Variants in ADCK1 observed in about 807,000 individuals in gnomAD.
The protein encoded by ADCK1 is aarF domain containing kinase 1, also known as aarF domain-containing protein kinase 1.
ADCK1 carries 41 observed loss-of-function variants against 52.3 expected under a neutral mutation model. The observed-to-expected ratio is 0.78, with a 90% confidence interval of 0.61 to 1.02. The LOEUF is 1.02. Among genes scored for constraint, ADCK1 ranks in the 50% least tolerant of loss-of-function variants. The pLI, the probability that ADCK1 is intolerant of heterozygous loss-of-function variation, is 0.00. For missense variants in ADCK1, 658 were observed against 679.5 expected (o/e 0.97, Z 0.35); for synonymous variants, 250 against 274.6 (o/e 0.91, Z 0.89).
chr14:77,837,064 C>T (rs1225300441), intron 3 of ADCK1, among the ~76,000 whole-genome samples: 1 of 151,974 alleles, frequency 6.6e-6, no homozygotes, highest in Non-Finnish European at 1.5e-5. Context: ...AGCCGCCGTG[C>T]CTGGCCTACC....
intron 3 of ADCK1, among the ~76,000 whole-genome samples, chr14:77,850,393 T>C (rs964305716): frequency 1.3e-5 from 2 of 152,260 alleles, no homozygotes; most frequent in South Asian, 2.1e-4. Context: ...TGAGAAGATA[T>C]TGAAATCTCT....
At chr14:77,909,067 A>G (rs2083731772) in intron 7 of ADCK1, among the ~76,000 whole-genome samples, 2 of 151,316 alleles carry the variant, frequency 1.3e-5, no homozygotes, top group South Asian at 4.2e-4. Context: ...GAGTGCAGCA[A>G]CATGTTCTGC....
At chr14:77,852,683 A>ATAATATATATATATAT (rs2082321306) in intron 3 of ADCK1, among the ~76,000 whole-genome samples, 1 of 84,026 alleles carries the variant, frequency 1.2e-5, no homozygotes, top group Admixed American at 1.1e-4. Context: ...ATATATATAT[A>ATAATATATATATATAT]TATATATATA....
chr14:77,813,676 CT>C (rs2081380897), intron 1 of ADCK1, among the ~76,000 whole-genome samples: 1 of 152,084 alleles, frequency 6.6e-6, no homozygotes, highest in African/African-American at 2.4e-5. Context: ...ATACAGTCCT[CT>C]GGTGTTGGGG....
At chr14:77,817,985 G>A (rs190495997) in intron 1 of ADCK1, among the ~76,000 whole-genome samples, 3 of 151,578 alleles carry the variant, frequency 2.0e-5, no homozygotes, top group South Asian at 2.1e-4. Flanking sequence ...TGATCTGCCC[G>A]CCTTGGCCTC....
intron 1 of ADCK1, among the ~76,000 whole-genome samples, chr14:77,805,984 C>T (rs1247867524): frequency 6.5e-5 from 8 of 122,572 alleles, no homozygotes; most frequent in Non-Finnish European, 1.3e-4. Context: ...CCTATTCTTA[C>T]GGCTTTTTTT....
At chr14:77,852,656 A>C (rs558210994) in intron 3 of ADCK1, among the ~76,000 whole-genome samples, 1 of 26,186 alleles carries the variant, frequency 3.8e-5, no homozygotes, top group Non-Finnish European at 9.6e-5. Flanking sequence ...TCTTTAAATA[A>C]ATAAATATAT....
intron 5 of ADCK1, among the ~76,000 whole-genome samples, chr14:77,887,613 A>G (rs1307589116): frequency 6.6e-6 from 1 of 152,240 alleles, no homozygotes; most frequent in Non-Finnish European, 1.5e-5. Context: ...ATTACATCTT[A>G]ATTTGTTAAA....
intron 4 of ADCK1, among the ~76,000 whole-genome samples, chr14:77,870,511 C>T (rs192432750): frequency 2.0e-5 from 3 of 152,282 alleles, no homozygotes; most frequent in East Asian, 3.9e-4. Context: ...TGGTGTAGGA[C>T]GGATGGAGGG....
At chr14:77,800,361 G>C (rs2081082636) in intron 1 of ADCK1, among the ~76,000 whole-genome samples, 191 bp downstream of exon 1, 1 of 152,272 alleles carries the variant, frequency 6.6e-6, no homozygotes, top group South Asian at 2.1e-4. Flanking sequence ...CCGGCGCGCG[G>C]CCACGTGGCT....
intron 7 of ADCK1, among the ~76,000 whole-genome samples, chr14:77,910,135 T>C (rs2140263441): frequency 6.6e-6 from 1 of 151,902 alleles, no homozygotes; most frequent in African/African-American, 2.4e-5. Flanking sequence ...GGCCTTGGGG[T>C]GTGTGGGATA....
intron 4 of ADCK1, among the ~76,000 whole-genome samples, chr14:77,870,315 C>T (rs1321419420): frequency 6.6e-6 from 1 of 152,172 alleles, no homozygotes; most frequent in African/African-American, 2.4e-5. Flanking sequence ...AGCTCCTAGC[C>T]CTGCAGAAGG....
intron 4 of ADCK1, among the ~76,000 whole-genome samples, chr14:77,873,504 A>G (rs115129112): frequency 6.3e-4 from 96 of 152,240 alleles, no homozygotes; most frequent in African/African-American, 2.3e-3. Flanking sequence ...GTGTAGCCTG[A>G]CCCCAGGTGG....
intron 9 of ADCK1, among the ~76,000 whole-genome samples, chr14:77,929,763 T>C (rs908267096): frequency 2.0e-5 from 3 of 151,942 alleles, no homozygotes; most frequent in African/African-American, 7.3e-5. Flanking sequence ...GCCTCCTGGG[T>C]TCAAGTGGTT....
intron 4 of ADCK1, among the ~76,000 whole-genome samples, chr14:77,880,123 G>A (rs2082989915): frequency 6.6e-6 from 1 of 152,228 alleles, no homozygotes; most frequent in African/African-American, 2.4e-5. Context: ...TGCGCACACA[G>A]CCATCCTGGA....
At chr14:77,893,477 C>G (rs1028396498) in intron 5 of ADCK1, among the ~76,000 whole-genome samples, 1 of 152,076 alleles carries the variant, frequency 6.6e-6, no homozygotes, top group East Asian at 1.9e-4. Flanking sequence ...AGGAACACTC[C>G]CTTGCCCTCT....
At chr14:77,857,699 T>C (rs1050335597) in intron 3 of ADCK1, among the ~76,000 whole-genome samples, 2 of 152,260 alleles carry the variant, frequency 1.3e-5, no homozygotes, top group Non-Finnish European at 2.9e-5. Context: ...GATCTTTGAA[T>C]GCTTTTTCCA....
At chr14:77,907,557 G>C (rs1256238864) in intron 6 of ADCK1, among the ~76,000 whole-genome samples, 1 of 152,250 alleles carries the variant, frequency 6.6e-6, no homozygotes, top group Admixed American at 6.5e-5. Flanking sequence ...AGAAGGCACT[G>C]AGGAGAGTTG....
At chr14:77,907,732 T>A in intron 6 of ADCK1, 71 bp from the exon 7 acceptor site, 1 of 1,181,964 alleles carries the variant, frequency 8.5e-7, no homozygotes, top group Non-Finnish European at 1.2e-6. Flanking sequence ...TCTGGCTCGC[T>A]GTGCCACATT....
Sources: allele counts gnomAD v4.1 joint callset (sites outside exome capture counted in the v4.1 genomes callset), GRCh38; gene constraint gnomAD v4.1.1; transcripts MANE v1.5; gene names NCBI Gene and HGNC (gene_info 2026-07-23, HGNC 2026-07-21).